The following CSMD1 variants were observed in gnomAD, a reference collection of about 807,000 sequenced individuals.
The protein encoded by CSMD1 is CUB and sushi domain-containing protein 1.
In CSMD1, 213 loss-of-function variants were observed where a neutral mutation model predicts 417.5. That is an observed-to-expected ratio of 0.51 (90% CI 0.46 to 0.57). The LOEUF (loss-of-function observed/expected upper bound fraction) is 0.57, where lower values mean the gene tolerates loss of function less well. Ranked by LOEUF, CSMD1 falls within the 20% of genes least tolerant of loss-of-function variation. CSMD1 has a pLI of 0.00. For missense variants in CSMD1, 6,923 were observed against 4,529.7 expected (o/e 1.53, Z -15.17); for synonymous variants, 2,862 against 1,736.8 (o/e 1.65, Z -16.11).
At chr8:3,542,325 G>C (rs958128120) in intron 10 of CSMD1, among the ~76,000 whole-genome samples, 1 of 152,160 alleles carries the variant, frequency 6.6e-6, no homozygotes, top group Non-Finnish European at 1.5e-5. Flanking sequence ...CAATCATTCA[G>C]ATGGTTCATT....
intron 23 of CSMD1, among the ~76,000 whole-genome samples, chr8:3,339,709 G>A (rs916476204): frequency 1.3e-5 from 2 of 152,086 alleles, no homozygotes; most frequent in Non-Finnish European, 2.9e-5. Flanking sequence ...GTGTCACCAG[G>A]GAATACAATT....
chr8:3,603,952 T>G (rs943716753), intron 8 of CSMD1, among the ~76,000 whole-genome samples: 1 of 152,240 alleles, frequency 6.6e-6, no homozygotes, highest in Non-Finnish European at 1.5e-5. Flanking sequence ...GGAATAATTA[T>G]GTTCTTACAA....
chr8:3,617,097 C>G (rs1319795752), intron 7 of CSMD1, among the ~76,000 whole-genome samples: 1 of 152,038 alleles, frequency 6.6e-6, no homozygotes, highest in African/African-American at 2.4e-5. Flanking sequence ...TGCCAGGTCA[C>G]AATTAACAGC....
chr8:4,508,077 GA>G (rs1428385362), intron 2 of CSMD1, among the ~76,000 whole-genome samples: 4 of 66,484 alleles, frequency 6.0e-5, no homozygotes, highest in Non-Finnish European at 9.4e-5. Flanking sequence ...GAGCTATGTA[GA>G]AAAAAAATAC....
chr8:3,281,940 G>A (rs940146868), intron 26 of CSMD1, among the ~76,000 whole-genome samples: 1 of 152,034 alleles, frequency 6.6e-6, no homozygotes, highest in African/African-American at 2.4e-5. Flanking sequence ...TTGTTTAAAA[G>A]CACGTAGCAC....
chr8:3,143,648 G>A (rs528856688), intron 40 of CSMD1, among the ~76,000 whole-genome samples: 82 of 152,264 alleles, frequency 5.4e-4, no homozygotes, highest in Non-Finnish European at 2.4e-4. Flanking sequence ...AAGCTGGGCC[G>A]TAAAACCTAA....
chr8:3,464,119 C>T (rs1246265131), intron 12 of CSMD1, among the ~76,000 whole-genome samples: 2 of 152,156 alleles, frequency 1.3e-5, no homozygotes, highest in African/African-American at 2.4e-5. Context: ...AATTCACCCC[C>T]TGCTGGAATG....
At position 3,669,980 on chromosome 8, in the gene CSMD1, C is replaced by G. The variant is rs115161904; in HGVS notation, c.1009+38434G>C. Among the ~76,000 whole-genome samples, 612 of 152,202 alleles carry G rather than the reference C, an allele frequency of 4.0e-3. 4 individuals carry two copies. The highest frequency in any genetic ancestry group is 0.013 in the African/African-American group (545 of 41,524). ...ATAATTTATACCTTATTATTTTAAG[C>G]TATCAGGTGCAATTGCATACATTTC... is the stretch of plus-strand genomic sequence containing the variant. On this transcript the variant is annotated intron_variant, in intron 7 of 69. Coordinates refer to ENST00000635120, the MANE Select transcript of CSMD1 (RefSeq NM_033225.6).
intron 3 of CSMD1, among the ~76,000 whole-genome samples, chr8:4,082,450 A>T (rs1428210663): frequency 1.3e-5 from 2 of 152,194 alleles, no homozygotes; most frequent in Non-Finnish European, 2.9e-5. Flanking sequence ...AGGAAGGGCA[A>T]AGATTGCCTA....
rs142151218 is a variant in CSMD1, at chr8:3,429,176, G to C, written c.1562-19571C>G. Among the ~76,000 whole-genome samples, 1,284 of 152,274 alleles carry C rather than the reference G, an allele frequency of 8.4e-3. 6 individuals carry two copies. The highest frequency in any genetic ancestry group is 0.014 in the Admixed American group (219 of 15,280). On this transcript the variant is annotated intron_variant, in intron 12 of 69. Transcript: ENST00000635120. ...ATGGTATATTTCAAAATAGCTAGAA[G>C]AGAGGATTTTCAATGTTTTTACCGT...
chr8:2,940,032 G>A (rs1801760350), intron 69 of CSMD1, among the ~76,000 whole-genome samples: 1 of 152,180 alleles, frequency 6.6e-6, no homozygotes. Context: ...CTCTGAGGAA[G>A]CAACTCCCAA....
At chr8:4,053,308 C>T (rs1798528198) in intron 3 of CSMD1, among the ~76,000 whole-genome samples, 1 of 152,178 alleles carries the variant, frequency 6.6e-6, no homozygotes, top group South Asian at 2.1e-4. Flanking sequence ...ATTGCGAATG[C>T]ATGAGAATAA....
At chr8:4,626,374 G>C (rs1019728330) in intron 2 of CSMD1, among the ~76,000 whole-genome samples, 1 of 151,960 alleles carries the variant, frequency 6.6e-6, no homozygotes, top group Non-Finnish European at 1.5e-5. Flanking sequence ...AAAGGAAAAA[G>C]TAACAGATAT....
intron 7 of CSMD1, among the ~76,000 whole-genome samples, chr8:3,632,961 T>C (rs1295046217): frequency 6.6e-6 from 1 of 152,242 alleles, no homozygotes; most frequent in African/African-American, 2.4e-5. Flanking sequence ...AATTACACTT[T>C]AATAACACTT....
chr8:3,964,336 G>C (rs184373303), intron 5 of CSMD1, among the ~76,000 whole-genome samples: 4 of 152,144 alleles, frequency 2.6e-5, no homozygotes, highest in African/African-American at 9.7e-5. Flanking sequence ...GTGTCACCGT[G>C]ACTTATTTGA....
intron 8 of CSMD1, among the ~76,000 whole-genome samples, chr8:3,613,847 T>C (rs1030705585): frequency 2.0e-5 from 3 of 152,020 alleles, no homozygotes; most frequent in Admixed American, 1.3e-4. Flanking sequence ...ACTTTCCACC[T>C]AAGCTCAGGA....
At chr8:4,494,325 G>A (rs984720477) in intron 2 of CSMD1, among the ~76,000 whole-genome samples, 1 of 152,086 alleles carries the variant, frequency 6.6e-6, no homozygotes, top group Non-Finnish European at 1.5e-5. Context: ...TTATTTTCAT[G>A]GCCATGGTAA....
chr8:3,223,757 C>A lies in CSMD1; in HGVS notation c.4456G>T (p.Asp1486Tyr). The stretch of plus-strand genomic sequence containing the variant: ...TTGAATATCAAGGCGATGACAAAGT[C>A]CGGGTTCACTTTTACTCTCCAGTCA... The part of the protein sequence containing the change: ...ECDWRVKVNP[D>Y]FVIALIFKSF... The change falls in exon 28 of 70, where the codon GAC becomes TAC. Residue 1486 changes from aspartate to tyrosine, a missense_variant. By Grantham distance (160) the Asp-to-Tyr change is radical. Coordinates refer to ENST00000635120, the MANE Select transcript of CSMD1 (RefSeq NM_033225.6). 6.2e-7 allele frequency: 1 copy of A among 1,613,836 alleles called. No homozygotes were observed. The highest frequency in any genetic ancestry group is 8.5e-7 in the Non-Finnish European group (1 of 1,179,820).
intron 12 of CSMD1, among the ~76,000 whole-genome samples, chr8:3,456,863 T>C (rs1011686943): frequency 6.6e-6 from 1 of 152,122 alleles, no homozygotes; most frequent in Non-Finnish European, 1.5e-5. Flanking sequence ...AGCCCAGGTC[T>C]CTTGGCTAAG....
Sources: allele counts gnomAD v4.1 joint callset (sites outside exome capture counted in the v4.1 genomes callset), GRCh38; gene constraint gnomAD v4.1.1; transcripts MANE v1.5; gene names NCBI Gene and HGNC (gene_info 2026-07-23, HGNC 2026-07-21).